FOXP1: variants seen among roughly 807,000 people sequenced by gnomAD.
FOXP1 encodes the protein forkhead box protein P1.
FOXP1 carries 15 observed loss-of-function variants against 98.2 expected under a neutral mutation model. The observed-to-expected ratio is 0.15, with a 90% CI of 0.10 to 0.24. The LOEUF (loss-of-function observed/expected upper bound fraction) is 0.24, where lower values mean the gene tolerates loss of function less well. FOXP1 is among the 10% of genes least tolerant of loss of function. The pLI is 1.00. For synonymous variants in FOXP1, 371 were observed against 314.5 expected (o/e 1.18, Z -1.90); for missense variants, 633 against 848.5 (o/e 0.75, Z 3.15).
intron 6 of FOXP1, chr3:71,130,409 G>A (rs1204468296): frequency 4.6e-6 from 6 of 1,295,988 alleles, no homozygotes; most frequent in Middle Eastern, 2.0e-4. Flanking sequence ...ACCTTATTTC[G>A]CCCTTCAGAG....
intron 4 of FOXP1, among the ~76,000 whole-genome samples, chr3:71,347,491 A>G (rs2077437745): frequency 6.6e-6 from 1 of 152,188 alleles, no homozygotes; most frequent in Non-Finnish European, 1.5e-5. Context: ...CATAAACTAC[A>G]TGCTAGCACT....
At chr3:71,276,552 T>C (rs1576715494) in intron 5 of FOXP1, among the ~76,000 whole-genome samples, 1 of 152,166 alleles carries the variant, frequency 6.6e-6, no homozygotes, top group Admixed American at 6.5e-5. Context: ...TCACATCCCT[T>C]ACTCTATCCA....
intron 13 of FOXP1, among the ~76,000 whole-genome samples, chr3:70,998,478 T>C (rs1339684411): frequency 6.6e-6 from 1 of 152,198 alleles, no homozygotes; most frequent in African/African-American, 2.4e-5. Context: ...GTCTATGTCA[T>C]CACTCTGATA....
At position 70,967,703 on chromosome 3, in the gene FOXP1, T is replaced by TTG. The variant is rs1559586135; in HGVS notation, c.1723-1648_1723-1647insCA. Among the ~76,000 whole-genome samples the TTG allele has an allele frequency of 3.6e-4, 43 of 119,738 alleles. 1 individual carries two copies. The highest frequency in any genetic ancestry group is 2.2e-3 in the East Asian group (9 of 4,136). 78.6% of individuals were successfully genotyped at this position (119,738 alleles called of 152,430 possible). A position where few individuals can be genotyped will look rare whatever the true frequency, so the allele number is the denominator to read the frequency against. ...CTATTATTTGTTTTTTTTTTTTGTT[T>TTG]TTTTTTGTTTTTTTTTTTTTTTTTT... On this transcript the variant is annotated intron_variant, in intron 19 of 20. Coordinates refer to ENST00000649528, the MANE Select transcript of FOXP1 (RefSeq NM_001349338.3).
chr3:70,986,690 G>T (rs1357579293), intron 14 of FOXP1, among the ~76,000 whole-genome samples: 1 of 152,110 alleles, frequency 6.6e-6, no homozygotes, highest in Non-Finnish European at 1.5e-5. Context: ...GAATGACCTG[G>T]TTCTTTTTTT....
intron 6 of FOXP1, among the ~76,000 whole-genome samples, chr3:71,190,083 T>C (rs1412684413): frequency 6.6e-6 from 1 of 152,212 alleles, no homozygotes; most frequent in Non-Finnish European, 1.5e-5. Context: ...AACCTTCTCA[T>C]TTACTTTTAA....
chr3:71,305,690 T>C (rs1003270597), intron 4 of FOXP1: 7 of 152,260 alleles, frequency 4.6e-5, no homozygotes, highest in Admixed American at 3.9e-4. Context: ...AGCCTTTCTC[T>C]GCGAGTCCAA....
intron 7 of FOXP1, among the ~76,000 whole-genome samples, chr3:71,059,424 C>T (rs1292336433): frequency 2.6e-5 from 4 of 152,116 alleles, no homozygotes; most frequent in Non-Finnish European, 4.4e-5. Context: ...CCACTAAGTG[C>T]CAGTATAATT....
intron 3 of FOXP1, among the ~76,000 whole-genome samples, chr3:71,424,306 A>T (rs1294972524): frequency 1.3e-5 from 2 of 152,166 alleles, no homozygotes; most frequent in Non-Finnish European, 2.9e-5. Context: ...TTCAAGTCAT[A>T]ATTAGGATAA....
intron 2 of FOXP1, among the ~76,000 whole-genome samples, chr3:71,495,515 G>A (rs1452134001): frequency 2.0e-5 from 3 of 152,200 alleles, no homozygotes; most frequent in Non-Finnish European, 4.4e-5. Flanking sequence ...ACTGAAAGAA[G>A]TAACTTTTCG....
intron 6 of FOXP1, among the ~76,000 whole-genome samples, chr3:71,117,228 C>A (rs1329460725): frequency 6.6e-6 from 1 of 152,176 alleles, no homozygotes; most frequent in African/African-American, 2.4e-5. Context: ...GCTGGGACTA[C>A]AGGCATGAGC....
chr3:71,408,134 C>T (rs1380311344), intron 3 of FOXP1, among the ~76,000 whole-genome samples: 3 of 152,162 alleles, frequency 2.0e-5, no homozygotes, highest in Non-Finnish European at 2.9e-5. Flanking sequence ...GACAACGTCC[C>T]TATTATCAGA....
chr3:70,957,372 C>G lies in FOXP1; in HGVS notation c.*1875G>C, dbSNP rs1386739994. On this transcript the variant is annotated 3_prime_UTR_variant, in exon 21 of 21. Coordinates refer to ENST00000649528, the MANE Select transcript of FOXP1 (RefSeq NM_001349338.3). ...CTAAATTTACGATGAAGGAGCAGTT[C>G]TCTTTCTCAGGTTGCAATAGCCTAT... The G allele has an allele frequency of 4.4e-6, 1 of 229,356 alleles. No individual in the cohort carries two copies. The highest frequency in any genetic ancestry group is 2.2e-5 in the African/African-American group (1 of 45,124). 14.2% of individuals were successfully genotyped at this position (229,356 alleles called of 1,614,324 possible).
chr3:71,041,627 G>C, intron 10 of FOXP1, 95 bp from the exon 11 acceptor site: 1 of 1,238,164 alleles, frequency 8.1e-7, no homozygotes, highest in Non-Finnish European at 1.2e-6. Flanking sequence ...ACAAAGCCTA[G>C]TGTTAGGGGG....
At chr3:71,566,788 A>T (rs559287035) in intron 2 of FOXP1, among the ~76,000 whole-genome samples, 17 of 152,276 alleles carry the variant, frequency 1.1e-4, no homozygotes, top group African/African-American at 3.9e-4. Context: ...GGCTGACACC[A>T]GTGCCCACCT....
At chr3:71,453,586 T>C (rs2087161575) in intron 3 of FOXP1, among the ~76,000 whole-genome samples, 1 of 152,102 alleles carries the variant, frequency 6.6e-6, no homozygotes, top group African/African-American at 2.4e-5. Flanking sequence ...CTCCTACTTC[T>C]TAACAAATAA....
chr3:71,018,603 T>C (rs2044882027), intron 11 of FOXP1, among the ~76,000 whole-genome samples: 1 of 152,214 alleles, frequency 6.6e-6, no homozygotes, highest in Admixed American at 6.5e-5. Flanking sequence ...GCTTTTCATA[T>C]TTAATATATA....
chr3:71,223,810 G>T (rs528441844), intron 5 of FOXP1, among the ~76,000 whole-genome samples: 1 of 152,048 alleles, frequency 6.6e-6, no homozygotes, highest in East Asian at 1.9e-4. Context: ...ATGGCTCTCC[G>T]CTCAGGCCAG....
chr3:71,269,602 G>A (rs2070127070), intron 5 of FOXP1, among the ~76,000 whole-genome samples: 1 of 152,100 alleles, frequency 6.6e-6, no homozygotes, highest in African/African-American at 2.4e-5. Flanking sequence ...CCGCCAAAGT[G>A]CAACATGTAA....
Sources: allele counts gnomAD v4.1 joint callset (sites outside exome capture counted in the v4.1 genomes callset), GRCh38; gene constraint gnomAD v4.1.1; transcripts MANE v1.5; gene names NCBI Gene and HGNC (gene_info 2026-07-23, HGNC 2026-07-21).